The following ROBO1 variants were observed in gnomAD, a reference collection of about 807,000 sequenced individuals.
The protein encoded by ROBO1 is roundabout homolog 1.
A neutral mutation model predicts 195.9 loss-of-function variants in ROBO1; 149 were observed. The ratio of observed to expected loss-of-function variants is 0.76; its 90% CI spans 0.67 to 0.87. The LOEUF is 0.87. Among genes scored for constraint, ROBO1 ranks in the 40% least tolerant of loss-of-function variants. The pLI is 0.00. For missense variants in ROBO1, 1,933 were observed against 2,068.3 expected, an observed-to-expected ratio of 0.93 and a Z score of 1.27; for synonymous variants, 816 against 733.2, an observed-to-expected ratio of 1.11 and a Z score of -1.82.
intron 4 of ROBO1, among the ~76,000 whole-genome samples, chr3:78,912,470 C>T (rs1339972310): frequency 6.6e-6 from 1 of 152,008 alleles, no homozygotes; most frequent in Non-Finnish European, 1.5e-5. Context: ...GATAACTGTA[C>T]CCATATGTCC....
intron 2 of ROBO1, among the ~76,000 whole-genome samples, chr3:79,353,471 G>A (rs1051282676): frequency 6.6e-6 from 1 of 151,708 alleles, no homozygotes; most frequent in African/African-American, 2.4e-5. Flanking sequence ...TTTCCAAGTA[G>A]GGAAACAAAA....
intron 2 of ROBO1, among the ~76,000 whole-genome samples, chr3:79,195,613 T>A (rs1470544186): frequency 6.6e-6 from 1 of 151,600 alleles, no homozygotes; most frequent in Non-Finnish European, 1.5e-5. Context: ...CAATAAGCTA[T>A]ATCTGGAAAC....
chr3:78,893,285 C>T (rs2037017008), intron 4 of ROBO1, among the ~76,000 whole-genome samples: 1 of 152,144 alleles, frequency 6.6e-6, no homozygotes, highest in South Asian at 2.1e-4. Context: ...AGAGTTAAGG[C>T]CCTTGTAAAT....
At chr3:79,448,759 A>C (rs1055498637) in intron 2 of ROBO1, among the ~76,000 whole-genome samples, 12 of 152,212 alleles carry the variant, frequency 7.9e-5, no homozygotes, top group African/African-American at 2.9e-4. Context: ...TTAAGTTAAA[A>C]TGGAACAGAT....
chr3:78,980,094 A>G (rs1316641690), intron 3 of ROBO1, among the ~76,000 whole-genome samples: 1 of 152,164 alleles, frequency 6.6e-6, no homozygotes, highest in Non-Finnish European at 1.5e-5. Context: ...GAGGGACACC[A>G]TATGTTCCAA....
chr3:78,899,211 TTAAA>T (rs1441195573), intron 4 of ROBO1, among the ~76,000 whole-genome samples: 3 of 152,174 alleles, frequency 2.0e-5, no homozygotes, highest in Admixed American at 6.5e-5. Flanking sequence ...GAGGGACAAC[TTAAA>T]TAAGTAAGTG....
chr3:79,747,041 G>T (rs1368127156), intron 1 of ROBO1, among the ~76,000 whole-genome samples: 7 of 151,996 alleles, frequency 4.6e-5, no homozygotes, highest in African/African-American at 1.7e-4. Context: ...ATGTAAAGGA[G>T]TATTCCAGCC....
At chr3:79,043,507 G>A (rs1327251649) in intron 3 of ROBO1, among the ~76,000 whole-genome samples, 1 of 151,786 alleles carries the variant, frequency 6.6e-6, no homozygotes, top group Non-Finnish European at 1.5e-5. Context: ...TAAATAGTGT[G>A]TCAAATTGGA....
At chr3:79,031,843 A>G (rs945775973) in intron 3 of ROBO1, among the ~76,000 whole-genome samples, 1 of 152,182 alleles carries the variant, frequency 6.6e-6, no homozygotes, top group East Asian at 1.9e-4. Flanking sequence ...TGTTGCTTAA[A>G]AGATTGTTCA....
intron 5 of ROBO1, among the ~76,000 whole-genome samples, chr3:78,721,990 T>C (rs142791043): frequency 6.6e-6 from 1 of 152,092 alleles, no homozygotes; most frequent in Non-Finnish European, 1.5e-5. Context: ...AATTTCAAGA[T>C]GAATGGGAGG....
At chr3:79,687,347 G>T (rs1947150744) in intron 1 of ROBO1, among the ~76,000 whole-genome samples, 1 of 151,942 alleles carries the variant, frequency 6.6e-6, no homozygotes. Context: ...CAAAAGCAAT[G>T]GCAACAAAAG....
At chr3:78,656,098 T>C (rs552133352) in intron 18 of ROBO1, among the ~76,000 whole-genome samples, 1 of 152,268 alleles carries the variant, frequency 6.6e-6, no homozygotes, top group African/African-American at 2.4e-5. Flanking sequence ...GAGTGAATTG[T>C]GGTAATGAAG....
chr3:78,656,204 A>C (rs1377360869), intron 18 of ROBO1, among the ~76,000 whole-genome samples: 1 of 152,072 alleles, frequency 6.6e-6, no homozygotes, highest in African/African-American at 2.4e-5. Context: ...ACATATTCCA[A>C]TACTCTTTGA....
At chr3:79,246,165 A>G in intron 2 of ROBO1, among the ~76,000 whole-genome samples, 1 of 152,136 alleles carries the variant, frequency 6.6e-6, no homozygotes, top group Admixed American at 6.6e-5. Context: ...TAAACAGTAA[A>G]CAGACTTTAG....
chr3:79,173,371 G>C (rs113382750), intron 2 of ROBO1, among the ~76,000 whole-genome samples: 2 of 152,258 alleles, frequency 1.3e-5, no homozygotes, highest in Admixed American at 1.3e-4. Flanking sequence ...GGCTGCGCGC[G>C]GTGCTTGCAG....
At chr3:79,599,880 A>C (rs755004526) in intron 1 of ROBO1, among the ~76,000 whole-genome samples, 5 of 152,032 alleles carry the variant, frequency 3.3e-5, no homozygotes, top group African/African-American at 4.8e-5. Context: ...GTAATAAAAT[A>C]TAGTCTATCC....
At chr3:79,670,144 A>G (rs1461946457) in intron 1 of ROBO1, among the ~76,000 whole-genome samples, 1 of 151,926 alleles carries the variant, frequency 6.6e-6, no homozygotes, top group Admixed American at 6.6e-5. Context: ...ATAAGAATCT[A>G]TATTATTATC....
At position 78,597,950 on chromosome 3, in the gene ROBO1, C is replaced by CAAAAAAA. The variant is rs35691197; in HGVS notation, c.*956_*962dup. ...AGTTTAGTGATTGTGCTTTTAAAACCAAAAAAAAAAAAAAAAAGAGAGAGA... is the reference window on the plus strand; with the variant it reads ...AGTTTAGTGATTGTGCTTTTAAAACCAAAAAAAAAAAAAAAAAAAAAAAAGAGAGAGA... On this transcript the variant is annotated 3_prime_UTR_variant, in exon 31 of 31. Transcript: ENST00000464233. 3 of 109,458 alleles carry CAAAAAAA rather than the reference C, an allele frequency of 2.7e-5. No individual in the cohort carries two copies. The highest frequency in any genetic ancestry group is 5.9e-5 in the Non-Finnish European group (3 of 50,582). 6.8% of individuals were successfully genotyped at this position (109,458 alleles called of 1,614,324 possible).
At chr3:79,375,724 T>C (rs918723898) in intron 2 of ROBO1, among the ~76,000 whole-genome samples, 1 of 152,152 alleles carries the variant, frequency 6.6e-6, no homozygotes, top group African/African-American at 2.4e-5. Flanking sequence ...AGCAATGAAC[T>C]CAGTCCTCGC....
Sources: allele counts gnomAD v4.1 joint callset (sites outside exome capture counted in the v4.1 genomes callset), GRCh38; gene constraint gnomAD v4.1.1; transcripts MANE v1.5; gene names NCBI Gene and HGNC (gene_info 2026-07-23, HGNC 2026-07-21).